STAM2: variants seen among roughly 807,000 people sequenced by gnomAD.
STAM2 encodes signal transducing adaptor molecule 2, also known as signal transducing adapter molecule 2.
In STAM2, 51 loss-of-function variants were observed where a neutral mutation model predicts 65.6. The observed-to-expected ratio is 0.78, with a 90% confidence interval of 0.62 to 0.98. STAM2 has a LOEUF of 0.98. Ranked by LOEUF, STAM2 falls within the 50% of genes least tolerant of loss-of-function variation. STAM2 has a pLI of 0.00. For synonymous variants in STAM2, 198 were observed against 208.4 expected, an observed-to-expected ratio of 0.95 and a Z score of 0.43; for missense variants, 584 against 617.8, an observed-to-expected ratio of 0.95 and a Z score of 0.58.
chr2:152,122,048 CA>C (rs1172684242), intron 13 of STAM2, among the ~76,000 whole-genome samples: 16 of 117,560 alleles, frequency 1.4e-4, no homozygotes, highest in Admixed American at 2.7e-4. Flanking sequence ...ACTCCGTCCC[CA>C]AAAAAAAAAT....
intron 8 of STAM2, among the ~76,000 whole-genome samples, chr2:152,134,778 TGACA>T (rs1689124923): frequency 1.3e-5 from 2 of 152,212 alleles, no homozygotes; most frequent in Non-Finnish European, 2.9e-5. Context: ...GCACAATGCC[TGACA>T]AATAATGAAT....
chr2:152,175,621 G>T lies in STAM2; in HGVS notation c.22C>A (p.Pro8Thr). 1 of 1,613,920 alleles carries T rather than the reference G, an allele frequency of 6.2e-7. No individual in the cohort carries two copies. The highest frequency in any genetic ancestry group is 8.5e-7 in the Non-Finnish European group (1 of 1,179,928). Residue 8 changes from proline to threonine, a missense_variant, in exon 1 of 14, where the codon CCC (proline) becomes ACC (threonine). Pro to Thr is a conservative substitution (Grantham distance 38). Coordinates refer to ENST00000263904, the MANE Select transcript of STAM2 (RefSeq NM_005843.6). MPLFTAN[P>T]FEQDVEKATN... Reference sequence around the variant, plus strand: ...CACTCACCCACGTCTTGCTCGAAGGGGTTGGCGGTGAACAAAGGCATCTCG... The same window carrying T: ...CACTCACCCACGTCTTGCTCGAAGGTGTTGGCGGTGAACAAAGGCATCTCG...
At chr2:152,159,174 T>G (rs907918895) in intron 1 of STAM2, among the ~76,000 whole-genome samples, 1 of 147,544 alleles carries the variant, frequency 6.8e-6, no homozygotes, top group Non-Finnish European at 1.5e-5. Context: ...ACCATGGTGG[T>G]GCACACCTGT....
In STAM2 at chr2:152,165,389, C is replaced by T. The variant is rs1161744094; in HGVS notation, c.40+10214G>A. 4.6e-5 allele frequency among the ~76,000 whole-genome samples: 7 copies of T among 152,126 alleles called. No homozygotes were observed. The South Asian group carries it at 1.0e-3, about 23-fold the overall frequency. On this transcript the variant is annotated intron_variant, in intron 1 of 13. Transcript: ENST00000263904. ...GAGGTTGCAGTGAGCCGAGATAGCG[C>T]CACTGCACTCCAGCCTGGGCAACAG...
intron 1 of STAM2, among the ~76,000 whole-genome samples, chr2:152,160,763 C>G (rs1357579418): frequency 2.7e-5 from 4 of 150,326 alleles, no homozygotes; most frequent in African/African-American, 9.8e-5. Flanking sequence ...TCTGCCCGGC[C>G]GCCCCTACCG....
chr2:152,158,304 G>A (rs1689590510), intron 1 of STAM2, among the ~76,000 whole-genome samples: 2 of 151,980 alleles, frequency 1.3e-5, no homozygotes, highest in South Asian at 2.1e-4. Context: ...GTGAAGCCCC[G>A]TTTCCACTAA....
chr2:152,126,222 T>A lies in STAM2; in HGVS notation c.1179+4A>T. On this transcript the variant is annotated splice_donor_region_variant and intron_variant, in intron 12 of 13. Coordinates refer to ENST00000263904, the MANE Select transcript of STAM2 (RefSeq NM_005843.6). ...TAGAAAATGTTCTCAAAAAACATGC[T>A]CACCTGCATTGGAACCCCAGATGAT... 3 of 1,562,644 alleles carry A rather than the reference T, an allele frequency of 1.9e-6. No homozygotes were observed. The highest frequency in any genetic ancestry group is 2.6e-6 in the Non-Finnish European group (3 of 1,159,150).
Position 152,123,756 on chromosome 2 carries a change from C to T in STAM2, c.1349+10G>A. 6.2e-7 allele frequency: 1 copy of T among 1,613,600 alleles called. No individual in the cohort carries two copies. Among genetic ancestry groups the T allele is most frequent in the Non-Finnish European group, 8.5e-7 (1 of 1,179,764 alleles). On this transcript the variant is annotated intron_variant, in intron 13 of 13. Coordinates refer to ENST00000263904, the MANE Select transcript of STAM2 (RefSeq NM_005843.6). The stretch of plus-strand genomic sequence containing the variant: ...ACACATATAAAATTAACACAGCTCC[C>T]AAAACTTACCTTAAATATGAAGTTT...
intron 1 of STAM2, among the ~76,000 whole-genome samples, chr2:152,158,303 C>T (rs1004737854): frequency 1.3e-5 from 2 of 151,960 alleles, no homozygotes; most frequent in Non-Finnish European, 2.9e-5. Flanking sequence ...GGTGAAGCCC[C>T]GTTTCCACTA....
At chr2:152,154,971 CAT>C (rs1689514984) in intron 1 of STAM2, among the ~76,000 whole-genome samples, 1 of 152,136 alleles carries the variant, frequency 6.6e-6, no homozygotes, top group African/African-American at 2.4e-5. Flanking sequence ...TGGTGACTCA[CAT>C]AGACTAAATA....
chr2:152,161,595 A>C (rs965315368), intron 1 of STAM2, among the ~76,000 whole-genome samples: 1 of 151,946 alleles, frequency 6.6e-6, no homozygotes, highest in African/African-American at 2.4e-5. Flanking sequence ...TAAATGCCCA[A>C]TACCTCAACC....
chr2:152,149,657 C>G (rs1373564195), intron 2 of STAM2, among the ~76,000 whole-genome samples: 1 of 152,038 alleles, frequency 6.6e-6, no homozygotes, highest in Non-Finnish European at 1.5e-5. Context: ...ACCATTATGT[C>G]CAGCTAAGTT....
rs1298758291 is a variant in STAM2, at chr2:152,120,729, T to C, written c.1423A>G (p.Thr475Ala). 1.9e-6 allele frequency: 3 copies of C among 1,614,186 alleles called. No individual in the cohort carries two copies. The highest frequency in any genetic ancestry group is 1.7e-6 in the Non-Finnish European group (2 of 1,180,038). ...NSNLQSATGT[T>A]AYTQQMGMSV... ...ATCCCCATTTGCTGTGTGTAAGCAG[T>C]TGTACCAGTAGCTGACTGTAGGTTA... The change falls in exon 14 of 14, where the codon ACT (threonine) becomes GCT (alanine). Residue 475 changes from threonine to alanine, a missense_variant. By Grantham distance (58) the Thr-to-Ala change is moderately conservative. Transcript: ENST00000263904.
In STAM2 at chr2:152,143,966, T is replaced by C. The variant is rs996954037; in HGVS notation, c.565A>G (p.Lys189Glu). 1.2e-6 allele frequency: 2 copies of C among 1,613,646 alleles called. No individual in the cohort carries two copies. Among genetic ancestry groups the C allele is most frequent in the Non-Finnish European group, 1.7e-6 (2 of 1,179,846 alleles). The stretch of plus-strand genomic sequence containing the variant: ...ATTTCTGAAGATGGATATAAGGATT[T>C]TGTTTCTGTGTGTTGCTGTTTCTGT... Reference protein sequence around the residue: ...QEQKQQHTETKSLYPSSEIQL... With the variant: ...QEQKQQHTETESLYPSSEIQL... Residue 189 changes from lysine to glutamate, a missense_variant, in exon 7 of 14, where the codon AAA (lysine) becomes GAA (glutamate). Coordinates refer to ENST00000263904, the MANE Select transcript of STAM2 (RefSeq NM_005843.6).
intron 1 of STAM2, among the ~76,000 whole-genome samples, chr2:152,170,832 C>A (rs972817289): frequency 6.6e-6 from 1 of 152,084 alleles, no homozygotes; most frequent in African/African-American, 2.4e-5. Context: ...CCCATCTCTG[C>A]TAAAAAATGC....
In STAM2 at chr2:152,149,750, G is replaced by A. The variant is rs557660830; in HGVS notation, c.125+395C>T. 1.1e-4 allele frequency among the ~76,000 whole-genome samples: 17 copies of A among 152,164 alleles called. No individual in the cohort carries two copies. In the East Asian group the frequency reaches 1.4e-3, roughly 12 times the overall value. On this transcript the variant is annotated intron_variant, in intron 2 of 13. Transcript: ENST00000263904. ...TGACCTCAAGTGATCTGCTCGCCTC[G>A]GCCTCTCAAAGTTCTGGGATTATAG...
At chr2:152,124,635 A>C (rs1688918705) in intron 12 of STAM2, 1 of 152,264 alleles carries the variant, frequency 6.6e-6, no homozygotes, top group South Asian at 2.1e-4. Context: ...AACAATGCAT[A>C]CATTTAATAT....
At chr2:152,168,613 G>A (rs1256070816) in intron 1 of STAM2, among the ~76,000 whole-genome samples, 2 of 152,104 alleles carry the variant, frequency 1.3e-5, no homozygotes, top group South Asian at 4.1e-4. Flanking sequence ...TTATACATAA[G>A]CTTATCATTA....
At chr2:152,133,618 C>T in intron 8 of STAM2, 134 bp from the exon 9 acceptor site, 1 of 642,120 alleles carries the variant, frequency 1.6e-6, no homozygotes. Flanking sequence ...ATTTTATAAT[C>T]AATATTACAT....
Sources: allele counts gnomAD v4.1 joint callset (sites outside exome capture counted in the v4.1 genomes callset), GRCh38; gene constraint gnomAD v4.1.1; transcripts MANE v1.5; gene names NCBI Gene and HGNC (gene_info 2026-07-23, HGNC 2026-07-21).